ANGPT1: variants seen among roughly 807,000 people sequenced by gnomAD.
ANGPT1 encodes the protein angiopoietin 1, also known as angiopoietin-1.
In ANGPT1, 17 loss-of-function variants were observed where a neutral mutation model predicts 62.2. The observed-to-expected ratio is 0.27, with a 90% CI of 0.19 to 0.41. The LOEUF (loss-of-function observed/expected upper bound fraction) is 0.41, where lower values mean the gene tolerates loss of function less well. ANGPT1 is among the 10% of genes least tolerant of loss of function. The pLI is 1.00. For missense variants in ANGPT1, 478 were observed against 594.9 expected, an observed-to-expected ratio of 0.80 and a Z score of 2.04; for synonymous variants, 199 against 198.9, an observed-to-expected ratio of 1.00 and a Z score of 0.00.
At chr8:107,289,663 T>C (rs1350811032) in intron 6 of ANGPT1, among the ~76,000 whole-genome samples, 2 of 152,160 alleles carry the variant, frequency 1.3e-5, no homozygotes, top group South Asian at 2.1e-4. Flanking sequence ...TGTTAAAATA[T>C]AGCTGAAAAT....
chr8:107,281,161 T>C (rs1283320068), intron 7 of ANGPT1, among the ~76,000 whole-genome samples: 1 of 152,134 alleles, frequency 6.6e-6, no homozygotes, highest in Non-Finnish European at 1.5e-5. Context: ...CATCTATCCA[T>C]TCACAACACT....
chr8:107,425,217 T>C (rs1247041585), intron 1 of ANGPT1, among the ~76,000 whole-genome samples: 1 of 152,112 alleles, frequency 6.6e-6, no homozygotes, highest in Non-Finnish European at 1.5e-5. Flanking sequence ...ATTGGAAAAA[T>C]CACATTGAAG....
At chr8:107,324,323 C>T (rs1815234424) in intron 3 of ANGPT1, among the ~76,000 whole-genome samples, 1 of 151,676 alleles carries the variant, frequency 6.6e-6, no homozygotes, top group African/African-American at 2.4e-5. Flanking sequence ...TGAGGTCATC[C>T]TGGAGGAGGA....
At chr8:107,370,387 A>C (rs1452542232) in intron 1 of ANGPT1, among the ~76,000 whole-genome samples, 1 of 55,992 alleles carries the variant, frequency 1.8e-5, no homozygotes, top group Non-Finnish European at 4.9e-5. Flanking sequence ...AAAGAAAGAA[A>C]GAAAGAAAGA....
At chr8:107,386,781 T>C (rs1160965118) in intron 1 of ANGPT1, among the ~76,000 whole-genome samples, 1 of 152,138 alleles carries the variant, frequency 6.6e-6, no homozygotes, top group Non-Finnish European at 1.5e-5. Context: ...TAGCTATTAT[T>C]ATACACTAAC....
intron 1 of ANGPT1, among the ~76,000 whole-genome samples, chr8:107,379,078 A>C (rs1816586528): frequency 6.6e-6 from 1 of 152,042 alleles, no homozygotes; most frequent in African/African-American, 2.4e-5. Flanking sequence ...AAATATTCAG[A>C]GCAATGGATA....
At chr8:107,428,632 TTG>T (rs140085272) in intron 1 of ANGPT1, among the ~76,000 whole-genome samples, 20,388 of 148,902 alleles carry the variant, frequency 0.14, 1,577 homozygotes, top group Non-Finnish European at 0.19. Flanking sequence ...TTTTTTCATT[TTG>T]TGTGTGTGTG....
At chr8:107,358,361 T>G (rs371012629) in intron 1 of ANGPT1, among the ~76,000 whole-genome samples, 11 of 138,476 alleles carry the variant, frequency 7.9e-5, no homozygotes, top group African/African-American at 3.2e-4. Flanking sequence ...ATCTTATAAA[T>G]GCAATAAAAT....
At chr8:107,427,810 TAGG>T (rs1811078620) in intron 1 of ANGPT1, among the ~76,000 whole-genome samples, 1 of 152,142 alleles carries the variant, frequency 6.6e-6, no homozygotes, top group South Asian at 2.1e-4. Flanking sequence ...CTTCTCTCAA[TAGG>T]AGGAGGAGGA....
At chr8:107,395,085 A>C (rs10955455) in intron 1 of ANGPT1, among the ~76,000 whole-genome samples, 45,664 of 152,058 alleles carry the variant, frequency 0.3, 8,551 homozygotes, top group Middle Eastern at 0.45. Context: ...AAATAGAGTG[A>C]GCTGCCTTCT....
intron 7 of ANGPT1, among the ~76,000 whole-genome samples, chr8:107,272,883 A>G (rs937134998): frequency 1.2e-5 from 1 of 85,300 alleles, no homozygotes; most frequent in African/African-American, 5.3e-5. Flanking sequence ...CTTTTTTAAG[A>G]ATACATAAAA....
At chr8:107,317,340 T>C (rs753944868) in intron 4 of ANGPT1, among the ~76,000 whole-genome samples, 1 of 151,868 alleles carries the variant, frequency 6.6e-6, no homozygotes. Flanking sequence ...AACAGAACAG[T>C]TGCTGCAGAA....
intron 4 of ANGPT1, among the ~76,000 whole-genome samples, chr8:107,306,166 G>A (rs746989471): frequency 4.6e-5 from 7 of 152,080 alleles, no homozygotes; most frequent in Non-Finnish European, 8.8e-5. Context: ...TCTTATGGAA[G>A]AGACACTAGC....
chr8:107,411,176 A>G (rs1269662468), intron 1 of ANGPT1, among the ~76,000 whole-genome samples: 3 of 152,138 alleles, frequency 2.0e-5, no homozygotes, highest in Admixed American at 6.6e-5. Context: ...TAGATATGCA[A>G]GTGATGAAAG....
At chr8:107,277,282 A>T (rs1003181952) in intron 7 of ANGPT1, among the ~76,000 whole-genome samples, 2 of 152,170 alleles carry the variant, frequency 1.3e-5, no homozygotes, top group Non-Finnish European at 2.9e-5. Flanking sequence ...ATTACCTGCA[A>T]AATGACTTTA....
At chr8:107,354,406 T>C (rs1815997227) in intron 1 of ANGPT1, among the ~76,000 whole-genome samples, 1 of 152,132 alleles carries the variant, frequency 6.6e-6, no homozygotes, top group South Asian at 2.1e-4. Context: ...TTTGGAGAAA[T>C]CACTTAAACA....
chr8:107,406,042 C>T (rs1817141978), intron 1 of ANGPT1, among the ~76,000 whole-genome samples: 3 of 151,758 alleles, frequency 2.0e-5, no homozygotes, highest in South Asian at 4.2e-4. Context: ...CTTCTATGTC[C>T]TTGAAATAAT....
At chr8:107,449,669 A>G (rs1391683292) in intron 1 of ANGPT1, among the ~76,000 whole-genome samples, 1 of 152,050 alleles carries the variant, frequency 6.6e-6, no homozygotes, top group African/African-American at 2.4e-5. Flanking sequence ...TGGAATAACT[A>G]TGTTTTCAAC....
chr8:107,418,299 C>T (rs748819255), intron 1 of ANGPT1, among the ~76,000 whole-genome samples: 16 of 152,140 alleles, frequency 1.1e-4, no homozygotes, highest in African/African-American at 2.7e-4. Flanking sequence ...TAGCTGAGTA[C>T]GATATAAGCT....
Sources: allele counts gnomAD v4.1 joint callset (sites outside exome capture counted in the v4.1 genomes callset), GRCh38; gene constraint gnomAD v4.1.1; transcripts MANE v1.5; gene names NCBI Gene and HGNC (gene_info 2026-07-23, HGNC 2026-07-21).